THSD7B: variants seen among roughly 807,000 people sequenced by gnomAD.
THSD7B encodes the protein thrombospondin type 1 domain containing 7B.
Under a neutral mutation model 213.6 loss-of-function variants are expected in THSD7B, and 138 were observed. That is an observed-to-expected ratio of 0.65 (90% CI 0.56 to 0.74). The LOEUF (loss-of-function observed/expected upper bound fraction) is 0.74, where lower values mean the gene tolerates loss of function less well. Ranked by LOEUF, THSD7B falls within the 30% of genes least tolerant of loss-of-function variation. The probability of loss-of-function intolerance (pLI) is 0.00; values close to 1 mark genes in which losing one functional copy is unlikely to be tolerated. For synonymous variants in THSD7B, 742 were observed against 687.0 expected (o/e 1.08, Z -1.25); for missense variants, 1,931 against 1,991.5 (o/e 0.97, Z 0.58).
At chr2:136,971,430 C>G (rs1685401112) in intron 2 of THSD7B, among the ~76,000 whole-genome samples, 1 of 151,826 alleles carries the variant, frequency 6.6e-6, no homozygotes, top group Non-Finnish European at 1.5e-5. Flanking sequence ...TGAAAAATTG[C>G]ATTGAAATGT....
chr2:137,542,734 T>G (rs2105194026), intron 15 of THSD7B, among the ~76,000 whole-genome samples: 1 of 151,750 alleles, frequency 6.6e-6, no homozygotes, highest in South Asian at 2.1e-4. Context: ...AAAAAACAAA[T>G]TTGGAGGACT....
chr2:136,786,123 T>C (rs144851496), intron 1 of THSD7B, among the ~76,000 whole-genome samples: 160 of 152,078 alleles, frequency 1.1e-3, no homozygotes, highest in African/African-American at 3.6e-3. Flanking sequence ...GAAGCAGTCA[T>C]ATGCAGTGTA....
intron 1 of THSD7B, among the ~76,000 whole-genome samples, chr2:136,869,279 A>T (rs1399115248): frequency 1.3e-5 from 2 of 152,224 alleles, no homozygotes; most frequent in African/African-American, 4.8e-5. Context: ...CACAAAACAG[A>T]TAATTCAGAG....
At chr2:137,098,628 C>A (rs1688085118) in intron 4 of THSD7B, among the ~76,000 whole-genome samples, 1 of 152,062 alleles carries the variant, frequency 6.6e-6, no homozygotes, top group Non-Finnish European at 1.5e-5. Context: ...ATAAATTACT[C>A]AGGAAATTAG....
At chr2:137,660,439 T>C (rs922055272) in intron 25 of THSD7B, among the ~76,000 whole-genome samples, 1 of 152,180 alleles carries the variant, frequency 6.6e-6, no homozygotes, top group African/African-American at 2.4e-5. Context: ...TTAAAAATAA[T>C]TCAAGTACTC....
chr2:137,029,380 T>C (rs1035629132), intron 2 of THSD7B, among the ~76,000 whole-genome samples: 6 of 152,244 alleles, frequency 3.9e-5, no homozygotes, highest in Admixed American at 2.0e-4. Flanking sequence ...CCTGTAAGCA[T>C]TGTTCTAATG....
intron 17 of THSD7B, among the ~76,000 whole-genome samples, chr2:137,573,250 G>T (rs998308834): frequency 2.0e-5 from 3 of 152,036 alleles, no homozygotes; most frequent in Non-Finnish European, 4.4e-5. Context: ...AAAAATGAAA[G>T]TGGGGATTAG....
At chr2:136,933,108 A>ATTCCTTCCTTCCTTCCTTCC (rs56042301) in intron 2 of THSD7B, among the ~76,000 whole-genome samples, 2,210 of 130,574 alleles carry the variant, frequency 0.017, 49 homozygotes, top group African/African-American at 0.038. Flanking sequence ...TTTGCCCGCC[A>ATTCCTTCCTTCCTTCCTTCC]TTCCTTCCTT....
chr2:137,597,606 C>T (rs527540363), intron 17 of THSD7B, among the ~76,000 whole-genome samples: 31 of 151,950 alleles, frequency 2.0e-4, no homozygotes, highest in South Asian at 1.0e-3. Context: ...GGTCAAACTA[C>T]GGAGAACATA....
At chr2:137,522,126 C>G (rs912694673) in intron 15 of THSD7B, among the ~76,000 whole-genome samples, 4 of 152,206 alleles carry the variant, frequency 2.6e-5, no homozygotes, top group Non-Finnish European at 4.4e-5. Flanking sequence ...TGAATCAGCT[C>G]AGATAAACTC....
At chr2:137,237,908 A>G (rs1286705345) in intron 9 of THSD7B, among the ~76,000 whole-genome samples, 1 of 152,232 alleles carries the variant, frequency 6.6e-6, no homozygotes, top group Non-Finnish European at 1.5e-5. Context: ...CAAACCAAAA[A>G]TAACTTGCAT....
chr2:137,447,844 G>A (rs1367017969), intron 14 of THSD7B, among the ~76,000 whole-genome samples: 1 of 152,138 alleles, frequency 6.6e-6, no homozygotes, highest in Admixed American at 6.6e-5. Context: ...GAAAGAGCCT[G>A]TAGACCAGGG....
intron 2 of THSD7B, among the ~76,000 whole-genome samples, chr2:136,971,714 TAAA>T (rs1685408379): frequency 6.6e-6 from 1 of 150,472 alleles, no homozygotes; most frequent in Admixed American, 6.6e-5. Context: ...ATACATATAA[TAAA>T]ATTACATTGG....
At chr2:137,018,281 A>G (rs544029396) in intron 2 of THSD7B, among the ~76,000 whole-genome samples, 129 of 152,266 alleles carry the variant, frequency 8.5e-4, no homozygotes, top group Non-Finnish European at 4.1e-4. Context: ...ACAACAAAGT[A>G]TATTTATTTA....
At chr2:137,208,418 C>T (rs898804950) in intron 7 of THSD7B, among the ~76,000 whole-genome samples, 1 of 135,162 alleles carries the variant, frequency 7.4e-6, no homozygotes, top group African/African-American at 2.9e-5. Flanking sequence ...TAATCCTAAA[C>T]GGGTCCTGTT....
At chr2:136,983,685 G>T (rs1213371934) in intron 2 of THSD7B, among the ~76,000 whole-genome samples, 1 of 152,126 alleles carries the variant, frequency 6.6e-6, no homozygotes, top group Non-Finnish European at 1.5e-5. Flanking sequence ...CACATGTATT[G>T]ATTTACAAAT....
chr2:137,070,654 T>C (rs1043743649), intron 3 of THSD7B, among the ~76,000 whole-genome samples: 2 of 152,080 alleles, frequency 1.3e-5, no homozygotes, highest in African/African-American at 2.4e-5. Context: ...GTTGGTGTGC[T>C]GCACCCATTA....
chr2:137,385,101 C>G (rs1271599231), intron 12 of THSD7B, among the ~76,000 whole-genome samples: 1 of 152,194 alleles, frequency 6.6e-6, no homozygotes, highest in East Asian at 1.9e-4. Flanking sequence ...AAGGCCCCTG[C>G]TGGCTGCCAC....
chr2:137,283,158 C>G (rs1683074366), intron 12 of THSD7B, among the ~76,000 whole-genome samples: 1 of 152,086 alleles, frequency 6.6e-6, no homozygotes. Flanking sequence ...ATTTTATTCT[C>G]TTTGAAGCAA....
Sources: allele counts gnomAD v4.1 joint callset (sites outside exome capture counted in the v4.1 genomes callset), GRCh38; gene constraint gnomAD v4.1.1; transcripts MANE v1.5; gene names NCBI Gene and HGNC (gene_info 2026-07-23, HGNC 2026-07-21).